BBX: variants seen among roughly 807,000 people sequenced by gnomAD.
The protein encoded by BBX is BBX high mobility group box domain containing.
Under a neutral mutation model 100.2 loss-of-function variants are expected in BBX, and 30 were observed. The observed-to-expected ratio is 0.30, with a 90% CI of 0.22 to 0.41. The LOEUF (loss-of-function observed/expected upper bound fraction) is 0.41. Among genes scored for constraint, BBX ranks in the 10% least tolerant of loss-of-function variants. The pLI is 1.00. For missense variants in BBX, 1,023 were observed against 1,129.8 expected, an observed-to-expected ratio of 0.91 and a Z score of 1.35; for synonymous variants, 376 against 388.1, an observed-to-expected ratio of 0.97 and a Z score of 0.37.
At chr3:107,719,712 G>A (rs970388166) in intron 5 of BBX, among the ~76,000 whole-genome samples, 1 of 152,048 alleles carries the variant, frequency 6.6e-6, no homozygotes. Context: ...TGTACATGAT[G>A]TGCAATGTTG....
At chr3:107,675,665 A>G (rs975869099) in intron 3 of BBX, among the ~76,000 whole-genome samples, 6 of 152,208 alleles carry the variant, frequency 3.9e-5, no homozygotes, top group African/African-American at 1.4e-4. Context: ...TAAAGGAGAC[A>G]TTCTGTTACT....
intron 8 of BBX, 144 bp from the exon 9 acceptor site, chr3:107,747,821 T>A (rs1464337619): frequency 1.7e-6 from 1 of 589,952 alleles, no homozygotes; most frequent in Non-Finnish European, 2.9e-6. Flanking sequence ...CCTTATCATT[T>A]ATACTGCTCT....
In BBX at chr3:107,728,859, G is replaced by A. The variant is rs1277274142; in HGVS notation, c.500G>A (p.Arg167Gln). ...VKSPTPTVNP[R>Q]KKLWAFPSDS... ...TCCCCAACACCCACTGTCAATCCAC[G>A]AAAGAAACTTTGGGCCTTCCCATCT... is the stretch of plus-strand genomic sequence containing the variant. Residue 167 changes from arginine to glutamine, a missense_variant, in exon 6 of 18, where the codon CGA (arginine) becomes CAA (glutamine). Coordinates refer to ENST00000325805, the MANE Select transcript of BBX (RefSeq NM_001142568.3). 9 of 1,613,796 alleles carry A rather than the reference G, an allele frequency of 5.6e-6. No homozygotes were observed. The highest frequency in any genetic ancestry group is 1.6e-4 in the Middle Eastern group (1 of 6,078).
intron 3 of BBX, among the ~76,000 whole-genome samples, chr3:107,694,693 G>A (rs1279055134): frequency 4.6e-5 from 7 of 151,114 alleles, no homozygotes; most frequent in East Asian, 1.9e-4. Flanking sequence ...TTGGTATCAG[G>A]ATGATGCTGG....
At chr3:107,692,142 G>C (rs1430390433) in intron 3 of BBX, among the ~76,000 whole-genome samples, 2 of 151,056 alleles carry the variant, frequency 1.3e-5, no homozygotes, top group Non-Finnish European at 1.5e-5. Flanking sequence ...ATATCAGGAT[G>C]ATAGAAAACA....
At chr3:107,638,764 A>G (rs1203706487) in intron 2 of BBX, among the ~76,000 whole-genome samples, 1 of 128,326 alleles carries the variant, frequency 7.8e-6, no homozygotes, top group Non-Finnish European at 1.7e-5. Context: ...CTACCAAAAA[A>G]AAAAAAAAAA....
intron 6 of BBX, among the ~76,000 whole-genome samples, chr3:107,730,189 A>C (rs2107513926): frequency 6.6e-6 from 1 of 152,298 alleles, no homozygotes; most frequent in African/African-American, 2.4e-5. Context: ...TAAGCTCCCA[A>C]AATGATGCTT....
intron 2 of BBX, among the ~76,000 whole-genome samples, chr3:107,565,780 T>G (rs1449625879): frequency 1.3e-5 from 2 of 151,914 alleles, no homozygotes; most frequent in African/African-American, 4.8e-5. Context: ...ATTTTTTATT[T>G]TTTTGAATGT....
intron 3 of BBX, among the ~76,000 whole-genome samples, chr3:107,700,506 T>G (rs1177304144): frequency 6.6e-6 from 1 of 150,566 alleles, no homozygotes; most frequent in Non-Finnish European, 1.5e-5. Flanking sequence ...GTTACGTATG[T>G]ATACATGTGC....
chr3:107,751,329 G>T (rs1469756228), intron 9 of BBX, among the ~76,000 whole-genome samples: 1 of 152,040 alleles, frequency 6.6e-6, no homozygotes, highest in Admixed American at 6.5e-5. Context: ...TAGCTTTGTA[G>T]TATCATTTTA....
intron 3 of BBX, among the ~76,000 whole-genome samples, chr3:107,653,401 C>T (rs1415434432): frequency 2.0e-5 from 3 of 152,122 alleles, no homozygotes; most frequent in Non-Finnish European, 4.4e-5. Flanking sequence ...TCATGTTGGG[C>T]TTTAAGAGAT....
At chr3:107,719,196 C>T (rs2062339070) in intron 5 of BBX, among the ~76,000 whole-genome samples, 1 of 151,932 alleles carries the variant, frequency 6.6e-6, no homozygotes, top group Non-Finnish European at 1.5e-5. Context: ...ATTTTTAAAA[C>T]TCTTTTTAGA....
At chr3:107,570,063 C>T (rs2051233139) in intron 2 of BBX, among the ~76,000 whole-genome samples, 1 of 152,216 alleles carries the variant, frequency 6.6e-6, no homozygotes, top group African/African-American at 2.4e-5. Context: ...GGGCTGCAGG[C>T]ATTCCTTGGC....
intron 7 of BBX, among the ~76,000 whole-genome samples, chr3:107,737,892 T>TTTTTG (rs2063757299): frequency 2.3e-5 from 3 of 132,956 alleles, no homozygotes; most frequent in South Asian, 2.5e-4. Flanking sequence ...CAGTTTTTTT[T>TTTTTG]TTTTTTTTTT....
At chr3:107,705,909 T>C (rs1019774029) in intron 3 of BBX, among the ~76,000 whole-genome samples, 1 of 152,164 alleles carries the variant, frequency 6.6e-6, no homozygotes, top group African/African-American at 2.4e-5. Flanking sequence ...TTTTTTCTTC[T>C]TCTTTTAATA....
intron 13 of BBX, among the ~76,000 whole-genome samples, chr3:107,782,909 C>A (rs2068048426): frequency 6.6e-6 from 1 of 151,764 alleles, no homozygotes; most frequent in Admixed American, 6.6e-5. Context: ...GGGACGGAAG[C>A]TTGAGATATC....
intron 7 of BBX, among the ~76,000 whole-genome samples, chr3:107,740,192 G>C (rs2063968990): frequency 6.6e-6 from 1 of 151,980 alleles, no homozygotes; most frequent in African/African-American, 2.4e-5. Flanking sequence ...CAGTGCGTTA[G>C]TAACCAGCTT....
chr3:107,697,282 T>C (rs1309814726), intron 3 of BBX, among the ~76,000 whole-genome samples: 2 of 151,944 alleles, frequency 1.3e-5, no homozygotes, highest in Admixed American at 6.5e-5. Context: ...CTCTGCTGTT[T>C]AGAGTTTCCA....
At chr3:107,527,680 G>T (rs1043174141) in intron 2 of BBX, among the ~76,000 whole-genome samples, 67 of 152,300 alleles carry the variant, frequency 4.4e-4, no homozygotes, top group African/African-American at 1.6e-3. Context: ...CATTACTGCT[G>T]ATAATTAGGT....
Sources: allele counts gnomAD v4.1 joint callset (sites outside exome capture counted in the v4.1 genomes callset), GRCh38; gene constraint gnomAD v4.1.1; transcripts MANE v1.5; gene names NCBI Gene and HGNC (gene_info 2026-07-23, HGNC 2026-07-21).